Variants in LDB2 observed in about 807,000 individuals in gnomAD.
The protein encoded by LDB2 is LIM domain-binding protein 2.
A neutral mutation model predicts 44.3 loss-of-function variants in LDB2; 12 were observed. The ratio of observed to expected loss-of-function variants is 0.27; its 90% CI spans 0.17 to 0.44. LDB2 has a LOEUF of 0.44. Among genes scored for constraint, LDB2 ranks in the 20% least tolerant of loss-of-function variants. LDB2 has a pLI of 1.00. For synonymous variants in LDB2, 164 were observed against 174.8 expected (o/e 0.94, Z 0.49); for missense variants, 344 against 473.5 (o/e 0.73, Z 2.54).
intron 1 of LDB2, among the ~76,000 whole-genome samples, chr4:16,859,715 A>G (rs1711841192): frequency 6.6e-6 from 1 of 152,208 alleles, no homozygotes; most frequent in Non-Finnish European, 1.5e-5. Context: ...GAGGAAGATG[A>G]CTTTTCAAGG....
At chr4:16,721,658 C>T (rs978097774) in intron 2 of LDB2, among the ~76,000 whole-genome samples, 1 of 152,110 alleles carries the variant, frequency 6.6e-6, no homozygotes, top group African/African-American at 2.4e-5. Context: ...TGTGAAGTGT[C>T]AGCAGATGAA....
intron 3 of LDB2, among the ~76,000 whole-genome samples, chr4:16,590,981 C>T (rs186303097): frequency 3.2e-4 from 49 of 152,302 alleles, no homozygotes; most frequent in Non-Finnish European, 6.0e-4. Context: ...GTCGGCATGA[C>T]AGAAGCCACC....
In LDB2 at chr4:16,898,488, T is replaced by C. The variant is rs1028650431; in HGVS notation, c.-3A>G. The C allele has an allele frequency of 6.2e-7, 1 of 1,613,382 alleles. No individual in the cohort carries two copies. The highest frequency in any genetic ancestry group is 1.1e-5 in the South Asian group (1 of 91,044). ...GGGTCATGTGGTGTGCTGGACATCT[T>C]GCCTGCTTTTCGAAAATCAAGCTAA... On this transcript the variant is annotated 5_prime_UTR_variant, in exon 1 of 8. Coordinates refer to ENST00000304523, the MANE Select transcript of LDB2 (RefSeq NM_001290.5).
intron 2 of LDB2, among the ~76,000 whole-genome samples, chr4:16,650,653 G>C (rs1200292791): frequency 6.6e-6 from 1 of 152,066 alleles, no homozygotes; most frequent in African/African-American, 2.4e-5. Flanking sequence ...AGCAATAGTT[G>C]GTATCTTCCT....
At chr4:16,659,671 G>GTATATATATATATATATATATA (rs58539901) in intron 2 of LDB2, among the ~76,000 whole-genome samples, 5 of 133,498 alleles carry the variant, frequency 3.7e-5, no homozygotes, top group Admixed American at 7.0e-5. Flanking sequence ...ATCTATGTGT[G>GTATATATATATATATATATATA]TATATATATA....
At chr4:16,725,041 C>T (rs1411627562) in intron 2 of LDB2, among the ~76,000 whole-genome samples, 2 of 152,104 alleles carry the variant, frequency 1.3e-5, no homozygotes, top group South Asian at 4.1e-4. Context: ...CTAGTAACTC[C>T]AATTTTAATA....
intron 1 of LDB2, among the ~76,000 whole-genome samples, chr4:16,790,633 T>C (rs1401484702): frequency 1.3e-5 from 2 of 152,298 alleles, no homozygotes; most frequent in East Asian, 1.9e-4. Flanking sequence ...CGTTAAGCAA[T>C]GCATGACCAT....
At chr4:16,695,752 A>G (rs930914875) in intron 2 of LDB2, among the ~76,000 whole-genome samples, 34 of 152,204 alleles carry the variant, frequency 2.2e-4, no homozygotes, top group African/African-American at 7.0e-4. Flanking sequence ...TTGTGTTTCC[A>G]ATAAAACTTT....
intron 6 of LDB2, among the ~76,000 whole-genome samples, chr4:16,509,946 C>T (rs1263478273): frequency 1.3e-5 from 2 of 152,142 alleles, no homozygotes; most frequent in Non-Finnish European, 2.9e-5. Context: ...TGAACCCCAT[C>T]TGTACAAAAT....
At chr4:16,647,088 G>T (rs576814570) in intron 2 of LDB2, among the ~76,000 whole-genome samples, 1 of 152,126 alleles carries the variant, frequency 6.6e-6, no homozygotes, top group Non-Finnish European at 1.5e-5. Flanking sequence ...ACAGTTAAAC[G>T]AAATTTGTCA....
intron 1 of LDB2, among the ~76,000 whole-genome samples, chr4:16,856,596 T>C (rs1436373144): frequency 6.6e-6 from 1 of 152,220 alleles, no homozygotes; most frequent in Non-Finnish European, 1.5e-5. Flanking sequence ...TGGATGGGCA[T>C]AGCTGTGTTA....
At chr4:16,858,821 G>T (rs368305546) in intron 1 of LDB2, among the ~76,000 whole-genome samples, 20 of 152,172 alleles carry the variant, frequency 1.3e-4, no homozygotes, top group African/African-American at 2.4e-4. Flanking sequence ...TACAAACTGC[G>T]TCAATACACA....
chr4:16,512,987 A>G (rs1722370899), intron 5 of LDB2, among the ~76,000 whole-genome samples: 1 of 152,216 alleles, frequency 6.6e-6, no homozygotes, highest in Non-Finnish European at 1.5e-5. Flanking sequence ...ACAATTTGGA[A>G]TTGCACATTA....
At chr4:16,593,990 A>G (rs541325582) in intron 3 of LDB2, among the ~76,000 whole-genome samples, 79 of 152,324 alleles carry the variant, frequency 5.2e-4, no homozygotes, top group African/African-American at 1.8e-3. Context: ...GAGTAAATAT[A>G]TAAAAGGACT....
chr4:16,529,680 C>G (rs1333436581), intron 5 of LDB2, among the ~76,000 whole-genome samples: 2 of 152,178 alleles, frequency 1.3e-5, no homozygotes, highest in African/African-American at 4.8e-5. Context: ...CTCATTGTTT[C>G]CCTTTCATTC....
chr4:16,628,122 G>T (rs376731048), intron 2 of LDB2, among the ~76,000 whole-genome samples: 58 of 152,290 alleles, frequency 3.8e-4, no homozygotes, highest in African/African-American at 1.3e-3. Flanking sequence ...AACGGTTTGG[G>T]TGCAGTGAAA....
chr4:16,866,968 G>C (rs1204093657), intron 1 of LDB2, among the ~76,000 whole-genome samples: 1 of 152,120 alleles, frequency 6.6e-6, no homozygotes, highest in African/African-American at 2.4e-5. Context: ...CCTAAACCTG[G>C]CTGGACTTTT....
At chr4:16,787,739 C>A (rs1774776724) in intron 1 of LDB2, among the ~76,000 whole-genome samples, 1 of 152,198 alleles carries the variant, frequency 6.6e-6, no homozygotes, top group African/African-American at 2.4e-5. Context: ...ATATGGTGCA[C>A]TTCCTATTGA....
intron 2 of LDB2, among the ~76,000 whole-genome samples, chr4:16,745,274 C>A (rs894373857): frequency 4.6e-5 from 7 of 152,138 alleles, no homozygotes; most frequent in African/African-American, 1.7e-4. Context: ...CATCTCAGTT[C>A]CTGTTGGTCC....
Sources: allele counts gnomAD v4.1 joint callset (sites outside exome capture counted in the v4.1 genomes callset), GRCh38; gene constraint gnomAD v4.1.1; transcripts MANE v1.5; gene names NCBI Gene and HGNC (gene_info 2026-07-23, HGNC 2026-07-21).